NUAK1: variants seen among roughly 807,000 people sequenced by gnomAD.
NUAK1 encodes the protein NUAK family kinase 1.
A neutral mutation model predicts 56.9 loss-of-function variants in NUAK1; 26 were observed. The observed-to-expected ratio is 0.46, with a 90% CI of 0.33 to 0.63. The LOEUF (loss-of-function observed/expected upper bound fraction) is 0.63, where lower values mean the gene tolerates loss of function less well. NUAK1 is among the 30% of genes least tolerant of loss of function. NUAK1 has a pLI of 0.02. For missense variants in NUAK1, 727 were observed against 876.1 expected, an observed-to-expected ratio of 0.83 and a Z score of 2.15; for synonymous variants, 337 against 336.0, an observed-to-expected ratio of 1.00 and a Z score of -0.03.
intron 1 of NUAK1, among the ~76,000 whole-genome samples, chr12:106,109,568 A>G (rs1241078284): frequency 1.3e-5 from 2 of 152,026 alleles, no homozygotes; most frequent in Non-Finnish European, 1.5e-5. Context: ...AAAAAAAAAA[A>G]AAAAAAGAAA....
chr12:106,090,912 G>A (rs534695830), intron 2 of NUAK1, among the ~76,000 whole-genome samples: 1 of 152,310 alleles, frequency 6.6e-6, no homozygotes, highest in South Asian at 2.1e-4. Flanking sequence ...TAGAGATTGG[G>A]TGTTATTTTT....
intron 2 of NUAK1, among the ~76,000 whole-genome samples, chr12:106,093,259 C>T (rs1037468624): frequency 1.3e-5 from 2 of 152,330 alleles, no homozygotes; most frequent in Admixed American, 6.5e-5. Flanking sequence ...CTAAAATACC[C>T]GAACTCTCCT....
At chr12:106,116,098 T>C (rs1341033907) in intron 1 of NUAK1, among the ~76,000 whole-genome samples, 1 of 152,310 alleles carries the variant, frequency 6.6e-6, no homozygotes, top group East Asian at 1.9e-4. Flanking sequence ...ACGAAAATCA[T>C]TTCTGTTTTA....
intron 1 of NUAK1, among the ~76,000 whole-genome samples, chr12:106,123,986 T>C (rs942492432): frequency 2.8e-4 from 43 of 152,184 alleles, no homozygotes; most frequent in Middle Eastern, 3.2e-3. Context: ...TTAGAACTCA[T>C]TGTGGGGCTG....
intron 1 of NUAK1, among the ~76,000 whole-genome samples, chr12:106,125,214 C>T (rs2033014553): frequency 6.6e-6 from 1 of 152,180 alleles, no homozygotes; most frequent in Non-Finnish European, 1.5e-5. Flanking sequence ...TAACACTCCA[C>T]AGCCATTTGA....
rs76291107 is a variant in NUAK1, at chr12:106,121,410, A to T, written c.241-14885T>A. On this transcript the variant is annotated intron_variant, in intron 1 of 6. Coordinates refer to ENST00000261402, the MANE Select transcript of NUAK1 (RefSeq NM_014840.3). ...TCTCCCACGTGGGTCAGGAGTTCGA[A>T]GCAGCTCTCAGTTCTAAGGGGTCTC... Among the ~76,000 whole-genome samples the T allele has an allele frequency of 1.1e-3, 162 of 152,304 alleles. 4 individuals are homozygous for T. The East Asian group carries it at 0.03, about 28-fold the overall frequency.
chr12:106,096,012 C>G (rs983860811), intron 2 of NUAK1, among the ~76,000 whole-genome samples: 1 of 152,208 alleles, frequency 6.6e-6, no homozygotes, highest in Admixed American at 6.5e-5. Context: ...ATATCCAAAT[C>G]CCCACTGTTG....
chr12:106,121,280 G>A (rs1309686111), intron 1 of NUAK1, among the ~76,000 whole-genome samples: 1 of 152,198 alleles, frequency 6.6e-6, no homozygotes, highest in African/African-American at 2.4e-5. Context: ...GACGGTACAA[G>A]ATAATGTATG....
chr12:106,131,518 AC>A (rs2033079243), intron 1 of NUAK1, among the ~76,000 whole-genome samples: 1 of 152,182 alleles, frequency 6.6e-6, no homozygotes, highest in Non-Finnish European at 1.5e-5. Flanking sequence ...TGTATTAAGT[AC>A]CTCATTCCTT....
In NUAK1 at chr12:106,067,428, G is replaced by A; in HGVS notation, c.1360C>T (p.Leu454Phe). ...SSPEAEVPGKLSPKQSATMPK... is the reference protein window; with the variant it reads ...SSPEAEVPGKFSPKQSATMPK... ...ATCGTGGCCGACTGCTTGGGGCTGA[G>A]TTTTCCCGGCACCTCTGCCTCTGGT... Residue 454 changes from leucine (L) to phenylalanine (F), a missense_variant, in exon 7 of 7, where the codon CTC (leucine) becomes TTC (phenylalanine). Coordinates refer to ENST00000261402, the MANE Select transcript of NUAK1 (RefSeq NM_014840.3). The surrounding 1 kb of genome is among the most constrained non-coding windows in gnomAD (Gnocchi z 6.0). The A allele has an allele frequency of 6.2e-7, 1 of 1,614,182 alleles. No homozygotes were observed. Among genetic ancestry groups the A allele is most frequent in the Non-Finnish European group, 8.5e-7 (1 of 1,180,040 alleles).
chr12:106,069,306 T>C (rs2032379241), intron 6 of NUAK1, among the ~76,000 whole-genome samples: 1 of 152,208 alleles, frequency 6.6e-6, no homozygotes, highest in Non-Finnish European at 1.5e-5. Context: ...CACTCTGCCT[T>C]CTTATTTCAG....
chr12:106,121,765 G>A (rs371323335), intron 1 of NUAK1, among the ~76,000 whole-genome samples: 2 of 151,964 alleles, frequency 1.3e-5, no homozygotes, highest in Non-Finnish European at 2.9e-5. Context: ...AAAAAAAGGT[G>A]GGGGGGTGTG....
chr12:106,129,977 CT>C lies in NUAK1; in HGVS notation c.240+8436del, dbSNP rs1044661675. ...GGATTTCTTCCTCCACACCTCATTC[CT>C]TTTTTTTTTCTCTCTCTCTGTGAGA... On this transcript the variant is annotated intron_variant, in intron 1 of 6. Coordinates refer to ENST00000261402, the MANE Select transcript of NUAK1 (RefSeq NM_014840.3). Among the ~76,000 whole-genome samples the C allele has an allele frequency of 1.4e-4, 21 of 149,650 alleles. No homozygotes were observed. In the East Asian group the frequency reaches 2.0e-3, roughly 14 times the overall value.
intron 2 of NUAK1, among the ~76,000 whole-genome samples, chr12:106,096,273 A>G (rs2032696254): frequency 6.6e-6 from 1 of 152,176 alleles, no homozygotes; most frequent in African/African-American, 2.4e-5. Flanking sequence ...GAGTAGCATT[A>G]GTTTGTAGCT....
chr12:106,126,663 T>C (rs2033027840), intron 1 of NUAK1, among the ~76,000 whole-genome samples: 1 of 152,206 alleles, frequency 6.6e-6, no homozygotes, highest in Non-Finnish European at 1.5e-5. Context: ...TATGAGTCAA[T>C]TCTTCCCTCT....
chr12:106,072,667 TTCC>T (rs888461939), intron 5 of NUAK1, 54 bp downstream of exon 5: 1 of 1,554,496 alleles, frequency 6.4e-7, no homozygotes, highest in Admixed American at 1.8e-5. Flanking sequence ...GTTTTTGCCC[TTCC>T]TCCCTCTTCT....
chr12:106,113,125 A>AC (rs374057810), intron 1 of NUAK1, among the ~76,000 whole-genome samples: 2 of 151,970 alleles, frequency 1.3e-5, no homozygotes, highest in African/African-American at 4.8e-5. Context: ...TCTAAGACTC[A>AC]CCCCCACCCC....
At position 106,066,811 on chromosome 12, in the gene NUAK1, C is replaced by T. The variant is rs764357674; in HGVS notation, c.1977G>A (p.Lys659=). The T allele has an allele frequency of 1.2e-6, 2 of 1,607,106 alleles. No individual in the cohort carries two copies. The highest frequency in any genetic ancestry group is 1.7e-6 in the Non-Finnish European group (2 of 1,174,940). The change falls in exon 7 of 7, where the codon AAG becomes AAA. Residue 659 remains lysine (K), a synonymous_variant. Coordinates refer to ENST00000261402, the MANE Select transcript of NUAK1 (RefSeq NM_014840.3). ...TGGGCGCCCTGGAATGCTAGTTGAG[C>T]TTGCTGCAGATCTCCAGCGCTTGCT... The part of the protein sequence containing the change: ...VYKQALEICS[K]LN
chr12:106,111,456 C>G (rs1320746632), intron 1 of NUAK1, among the ~76,000 whole-genome samples: 1 of 151,982 alleles, frequency 6.6e-6, no homozygotes, highest in Non-Finnish European at 1.5e-5. Flanking sequence ...GGTTGTATGT[C>G]GTCGAGGCTC....
Sources: allele counts gnomAD v4.1 joint callset (sites outside exome capture counted in the v4.1 genomes callset), GRCh38; gene constraint gnomAD v4.1.1; non-coding constraint Gnocchi (gnomAD v3.1); transcripts MANE v1.5; gene names NCBI Gene and HGNC (gene_info 2026-07-23, HGNC 2026-07-21).